Variants in AK5 observed in about 807,000 individuals in gnomAD.
The protein encoded by AK5 is adenylate kinase 5, also known as adenylate kinase isoenzyme 5.
AK5 carries 27 observed loss-of-function variants against 69.5 expected under a neutral mutation model. The observed-to-expected ratio is 0.39, with a 90% CI of 0.29 to 0.54. The LOEUF is 0.54. Among genes scored for constraint, AK5 ranks in the 20% least tolerant of loss-of-function variants. The pLI, the probability that AK5 is intolerant of heterozygous loss-of-function variation, is 0.71. For missense variants in AK5, 531 were observed against 700.4 expected (o/e 0.76, Z 2.73); for synonymous variants, 260 against 244.4 (o/e 1.06, Z -0.60).
chr1:77,367,927 ATTATATATAATATATATGT>A (rs1272015346), intron 6 of AK5, among the ~76,000 whole-genome samples: 93 of 45,806 alleles, frequency 2.0e-3, no homozygotes, highest in Non-Finnish European at 3.6e-3. Context: ...TGTGATATAT[ATTATATATAATATATATGT>A]TATATATATA....
At chr1:77,464,352 C>T (rs931520810) in intron 8 of AK5, among the ~76,000 whole-genome samples, 13 of 152,152 alleles carry the variant, frequency 8.5e-5, no homozygotes, top group Admixed American at 2.0e-4. Context: ...CACCCCAGTG[C>T]GCAGGCCGGT....
intron 12 of AK5, among the ~76,000 whole-genome samples, chr1:77,527,006 G>C (rs1390990459): frequency 4.6e-5 from 7 of 152,048 alleles, no homozygotes; most frequent in Non-Finnish European, 8.8e-5. Context: ...TTTGAGCAAT[G>C]ACAACCCTGG....
At chr1:77,536,439 G>A (rs1242087953) in intron 13 of AK5, among the ~76,000 whole-genome samples, 1 of 152,188 alleles carries the variant, frequency 6.6e-6, no homozygotes, top group Non-Finnish European at 1.5e-5. Flanking sequence ...GGGCAACAGA[G>A]CAAGACCCTG....
intron 6 of AK5, among the ~76,000 whole-genome samples, chr1:77,376,838 G>A (rs184875172): frequency 6.6e-6 from 1 of 152,136 alleles, no homozygotes; most frequent in South Asian, 2.1e-4. Context: ...TGAGAGGATC[G>A]CTTGAGTCTG....
At chr1:77,368,455 T>C (rs72641177) in intron 6 of AK5, among the ~76,000 whole-genome samples, 36,067 of 149,926 alleles carry the variant, frequency 0.24, 4,639 homozygotes, top group East Asian at 0.39. Flanking sequence ...TTTGTGTACA[T>C]TGAGCCATGA....
At position 77,404,598 on chromosome 1, in the gene AK5, T is replaced by A. The variant is rs564294856; in HGVS notation, c.892-6383T>A. 8.9e-4 allele frequency among the ~76,000 whole-genome samples: 136 copies of A among 152,244 alleles called. 3 individuals carry two copies. In the South Asian group the frequency reaches 0.027, roughly 30 times the overall value. On this transcript the variant is annotated intron_variant, in intron 6 of 13. Coordinates refer to ENST00000354567, the MANE Select transcript of AK5 (RefSeq NM_174858.3). ...TCTTCAGGGTTCAGTGCCATAATATTTGCTAAAAGAATTAAAAGAAAAGTC... is the reference window on the plus strand; with the variant it reads ...TCTTCAGGGTTCAGTGCCATAATATATGCTAAAAGAATTAAAAGAAAAGTC...
At chr1:77,536,081 T>A in intron 13 of AK5, 43 bp downstream of exon 13, 24 of 1,183,414 alleles carry the variant, frequency 2.0e-5, no homozygotes, top group East Asian at 3.2e-5. Flanking sequence ...CCGCTTACCT[T>A]TTTTTTTTTT....
chr1:77,542,259 G>C (rs534240399), intron 13 of AK5, among the ~76,000 whole-genome samples: 32 of 152,210 alleles, frequency 2.1e-4, no homozygotes, highest in African/African-American at 7.0e-4. Context: ...GGAGGCGGAG[G>C]TTGCGGTAAG....
chr1:77,369,327 A>G lies in AK5; in HGVS notation c.891+28759A>G, dbSNP rs545964773. On this transcript the variant is annotated intron_variant, in intron 6 of 13. Transcript: ENST00000354567. ...CTCAAAATTATTGAGAAGAGTATAC[A>G]TTTTTATCAAGATCCAGTTTTAAAA... 1.2e-4 allele frequency among the ~76,000 whole-genome samples: 19 copies of G among 152,272 alleles called. 1 individual carries two copies. In the South Asian group the frequency reaches 3.7e-3, roughly 30 times the overall value.
chr1:77,547,974 A>C (rs1659623107), intron 13 of AK5, among the ~76,000 whole-genome samples: 1 of 152,236 alleles, frequency 6.6e-6, no homozygotes, highest in Admixed American at 6.5e-5. Context: ...GGAAGCACTG[A>C]GTAACTTTAA....
chr1:77,528,508 G>A (rs1353624692), intron 12 of AK5, among the ~76,000 whole-genome samples: 6 of 152,176 alleles, frequency 3.9e-5, no homozygotes, highest in African/African-American at 1.4e-4. Flanking sequence ...CTTGGACACT[G>A]CATATGACAT....
At chr1:77,360,499 G>A (rs890735474) in intron 6 of AK5, among the ~76,000 whole-genome samples, 1 of 152,094 alleles carries the variant, frequency 6.6e-6, no homozygotes, top group East Asian at 1.9e-4. Context: ...AAGTTAGGGG[G>A]GGTGGATGTC....
chr1:77,419,342 T>C (rs932775261), intron 8 of AK5, among the ~76,000 whole-genome samples: 1 of 151,438 alleles, frequency 6.6e-6, no homozygotes, highest in African/African-American at 2.4e-5. Context: ...CACAAAGAAA[T>C]GATTCACAAC....
At chr1:77,329,441 T>G (rs1339750233) in intron 5 of AK5, among the ~76,000 whole-genome samples, 1 of 152,100 alleles carries the variant, frequency 6.6e-6, no homozygotes, top group African/African-American at 2.4e-5. Context: ...AAATTTGCAT[T>G]TTTTAAATGG....
chr1:77,326,375 C>T (rs1660805340), intron 5 of AK5, among the ~76,000 whole-genome samples: 1 of 151,762 alleles, frequency 6.6e-6, no homozygotes, highest in Admixed American at 6.6e-5. Context: ...TAGCTTCTTT[C>T]AGCTACGTAA....
intron 10 of AK5, among the ~76,000 whole-genome samples, chr1:77,513,576 A>C (rs1369269880): frequency 6.6e-6 from 1 of 152,252 alleles, no homozygotes; most frequent in Non-Finnish European, 1.5e-5. Context: ...CCAGTGACTC[A>C]CACCTGTAAT....
chr1:77,328,917 G>C (rs1471060648), intron 5 of AK5, among the ~76,000 whole-genome samples: 1 of 152,184 alleles, frequency 6.6e-6, no homozygotes, highest in Non-Finnish European at 1.5e-5. Context: ...GGAAGCCTAA[G>C]AGGCTGTTGC....
chr1:77,284,197 T>C (rs1382477698), intron 1 of AK5, among the ~76,000 whole-genome samples: 2 of 152,222 alleles, frequency 1.3e-5, no homozygotes, highest in Non-Finnish European at 2.9e-5. Flanking sequence ...CCTCAAAGGC[T>C]ACATCCTTCA....
intron 3 of AK5, among the ~76,000 whole-genome samples, chr1:77,296,263 C>T (rs1203339467): frequency 6.6e-6 from 1 of 152,106 alleles, no homozygotes; most frequent in Non-Finnish European, 1.5e-5. Context: ...ATACGAATCT[C>T]TCTCATGTTA....
Sources: gnomAD v4.1 joint callset for allele counts (sites outside exome capture counted in the v4.1 genomes callset) on GRCh38, gnomAD v4.1.1 for gene constraint, MANE v1.5 for transcripts, NCBI Gene and HGNC (gene_info 2026-07-23, HGNC 2026-07-21) for gene names.